SLC2A9: variants seen among roughly 807,000 people sequenced by gnomAD.
SLC2A9 encodes solute carrier family 2 member 9, also known as solute carrier family 2, facilitated glucose transporter member 9.
SLC2A9 carries 39 observed loss-of-function variants against 50.6 expected under a neutral mutation model. The observed-to-expected ratio is 0.77, with a 90% CI of 0.60 to 1.01. SLC2A9 has a LOEUF of 1.01. Ranked by LOEUF, SLC2A9 falls within the 50% of genes least tolerant of loss-of-function variation. SLC2A9 has a pLI of 0.00. For missense variants in SLC2A9, 686 were observed against 677.6 expected, an observed-to-expected ratio of 1.01 and a Z score of -0.14; for synonymous variants, 324 against 276.9, an observed-to-expected ratio of 1.17 and a Z score of -1.69.
At chr4:9,817,933 C>A (rs1723843214) in intron 3 of SLC2A9, among the ~76,000 whole-genome samples, 1 of 152,186 alleles carries the variant, frequency 6.6e-6, no homozygotes. Context: ...TTTGGCAGGG[C>A]AATTGTGCCG....
At chr4:9,958,078 T>A (rs1222310372) in intron 5 of SLC2A9, among the ~76,000 whole-genome samples, 1 of 152,192 alleles carries the variant, frequency 6.6e-6, no homozygotes, top group Admixed American at 6.5e-5. Flanking sequence ...AGGCATCAGA[T>A]TTCTCATCAG....
chr4:9,780,998 T>G (rs1477974735), intron 3 of SLC2A9, among the ~76,000 whole-genome samples: 4 of 152,056 alleles, frequency 2.6e-5, no homozygotes, highest in Non-Finnish European at 5.9e-5. Flanking sequence ...GGAAAAATCG[T>G]TCAAGGACTG....
At chr4:9,903,148 C>T (rs751803393) in intron 8 of SLC2A9, among the ~76,000 whole-genome samples, 2 of 152,106 alleles carry the variant, frequency 1.3e-5, no homozygotes, top group Non-Finnish European at 2.9e-5. Context: ...TGCTCTCACA[C>T]GGGCTGGATC....
intron 2 of SLC2A9, chr4:10,006,642 A>G (rs1760826578): frequency 6.6e-6 from 1 of 152,102 alleles, no homozygotes; most frequent in Non-Finnish European, 1.5e-5. Flanking sequence ...TGTAGAAAAG[A>G]GCTCTCACAG....
chr4:9,899,811 C>T (rs1739258563), intron 8 of SLC2A9, among the ~76,000 whole-genome samples: 1 of 152,128 alleles, frequency 6.6e-6, no homozygotes, highest in Admixed American at 6.5e-5. Context: ...CATGGGTTTT[C>T]CTTCCATCCC....
intron 3 of SLC2A9, among the ~76,000 whole-genome samples, chr4:9,804,841 C>G (rs1221419625): frequency 6.6e-6 from 1 of 152,112 alleles, no homozygotes; most frequent in African/African-American, 2.4e-5. Context: ...ACAGCAGAAC[C>G]CAGGCTTGGA....
At chr4:9,994,201 A>G (rs1187187154) in intron 3 of SLC2A9, among the ~76,000 whole-genome samples, 1 of 152,258 alleles carries the variant, frequency 6.6e-6, no homozygotes, top group African/African-American at 2.4e-5. Flanking sequence ...CCTTGGTCCA[A>G]TTGACCACTG....
intron 6 of SLC2A9, among the ~76,000 whole-genome samples, chr4:9,938,431 C>T (rs1015738654): frequency 2.0e-5 from 3 of 151,980 alleles, no homozygotes; most frequent in African/African-American, 7.3e-5. Context: ...GCCAACACGC[C>T]CGGCTAATTT....
chr4:9,967,138 C>T (rs1753170953), intron 5 of SLC2A9, among the ~76,000 whole-genome samples: 1 of 152,134 alleles, frequency 6.6e-6, no homozygotes, highest in African/African-American at 2.4e-5. Context: ...TGAATGAATA[C>T]ATTAGTTTGA....
chr4:9,823,152 C>A (rs1197597628), downstream of SLC2A9, among the ~76,000 whole-genome samples: 1 of 152,040 alleles, frequency 6.6e-6, no homozygotes, highest in Non-Finnish European at 1.5e-5. Context: ...TTACTTTTAG[C>A]GAACCTGAAA....
intron 7 of SLC2A9, among the ~76,000 whole-genome samples, chr4:9,909,550 G>C (rs1299247830): frequency 6.6e-6 from 1 of 152,178 alleles, no homozygotes; most frequent in Non-Finnish European, 1.5e-5. Flanking sequence ...TGTGACCTCA[G>C]GCAATTCACC....
chr4:9,804,751 G>T (rs1463732834), intron 3 of SLC2A9, among the ~76,000 whole-genome samples: 3 of 152,234 alleles, frequency 2.0e-5, no homozygotes, highest in Non-Finnish European at 4.4e-5. Context: ...GGACAGGAGA[G>T]AATTGCTTGG....
At chr4:9,806,125 T>C (rs974894811) in intron 3 of SLC2A9, among the ~76,000 whole-genome samples, 8 of 152,234 alleles carry the variant, frequency 5.3e-5, no homozygotes, top group African/African-American at 1.4e-4. Context: ...CATGTTTGGC[T>C]GTTGGGAACA....
intron 10 of SLC2A9, among the ~76,000 whole-genome samples, chr4:9,841,053 G>A (rs1727998886): frequency 6.6e-6 from 1 of 152,160 alleles, no homozygotes; most frequent in Admixed American, 6.5e-5. Flanking sequence ...CCCCTGACAT[G>A]TGGGGATTAC....
intron 3 of SLC2A9, among the ~76,000 whole-genome samples, chr4:9,814,823 G>A (rs571576003): frequency 1.1e-4 from 16 of 152,178 alleles, no homozygotes; most frequent in Middle Eastern, 3.4e-3. Context: ...AAAGTTGCAC[G>A]GCTAAGAGAC....
At chr4:9,895,430 T>C (rs1738355709) in intron 8 of SLC2A9, among the ~76,000 whole-genome samples, 1 of 152,218 alleles carries the variant, frequency 6.6e-6, no homozygotes, top group African/African-American at 2.4e-5. Context: ...ACGTGGTATT[T>C]CCACTTGACA....
chr4:9,950,549 G>C (rs114835332), intron 5 of SLC2A9, among the ~76,000 whole-genome samples: 2 of 151,876 alleles, frequency 1.3e-5, no homozygotes, highest in African/African-American at 4.8e-5. Flanking sequence ...AAACCGCAAT[G>C]AGATATCATC....
intron 3 of SLC2A9, among the ~76,000 whole-genome samples, chr4:9,810,126 C>T (rs1212697063): frequency 1.3e-5 from 2 of 151,962 alleles, no homozygotes; most frequent in Non-Finnish European, 2.9e-5. Flanking sequence ...TTGATTATTT[C>T]CCATGTTTCT....
chr4:9,780,938 G>A (rs1399146032), intron 3 of SLC2A9, among the ~76,000 whole-genome samples: 1 of 152,132 alleles, frequency 6.6e-6, no homozygotes, highest in African/African-American at 2.4e-5. Context: ...GGGGTGGGGG[G>A]CTCTCTTCCT....
Sources: allele counts gnomAD v4.1 joint callset (sites outside exome capture counted in the v4.1 genomes callset), GRCh38; gene constraint gnomAD v4.1.1; transcripts MANE v1.5; gene names NCBI Gene and HGNC (gene_info 2026-07-23, HGNC 2026-07-21).